Variants in SGCD observed in about 807,000 individuals in gnomAD.
The protein encoded by SGCD is sarcoglycan delta.
In SGCD, 18 loss-of-function variants were observed where a neutral mutation model predicts 36.6. The ratio of observed to expected loss-of-function variants is 0.49; its 90% CI spans 0.34 to 0.73. SGCD has a LOEUF of 0.73. Ranked by LOEUF, SGCD falls within the 30% of genes least tolerant of loss-of-function variation. The pLI, the probability that SGCD is intolerant of heterozygous loss-of-function variation, is 0.01. For missense variants in SGCD, 387 were observed against 346.7 expected (o/e 1.12, Z -0.92); for synonymous variants, 133 against 130.6 (o/e 1.02, Z -0.12).
chr5:156,081,379 A>G (rs1193415300), intron 1 of SGCD, among the ~76,000 whole-genome samples: 1 of 152,038 alleles, frequency 6.6e-6, no homozygotes, highest in East Asian at 1.9e-4. Context: ...TGGTGTAGAC[A>G]TATATTCAAA....
Position 156,765,967 on chromosome 5 carries a change from C to G in SGCD, c.*6577C>G, listed in dbSNP as rs1018777976. On this transcript the variant is annotated 3_prime_UTR_variant, in exon 9 of 9. Coordinates refer to ENST00000337851, the MANE Select transcript of SGCD (RefSeq NM_000337.6). ...CTAAGGGGAAAATATAGAAAGCCTGCCTGAATAATAGAATCTAGAACAACA... is the reference window on the plus strand; with the variant it reads ...CTAAGGGGAAAATATAGAAAGCCTGGCTGAATAATAGAATCTAGAACAACA... 6.6e-6 allele frequency: 1 copy of G among 150,982 alleles called. No homozygotes were observed. The highest frequency in any genetic ancestry group is 1.5e-5 in the Non-Finnish European group (1 of 67,928). The allele number at this position is 150,982 out of a possible 1,614,324, so 9.4% of individuals were successfully genotyped here.
At chr5:156,126,874 G>A (rs1184177346) in intron 3 of SGCD, among the ~76,000 whole-genome samples, 1 of 152,172 alleles carries the variant, frequency 6.6e-6, no homozygotes, top group Non-Finnish European at 1.5e-5. Context: ...TGTTAGGCAT[G>A]CAAATTCTTC....
At chr5:156,465,225 T>C (rs550325097) in intron 3 of SGCD, among the ~76,000 whole-genome samples, 4 of 152,234 alleles carry the variant, frequency 2.6e-5, no homozygotes, top group African/African-American at 9.6e-5. Flanking sequence ...GGTGTATTCT[T>C]AGATGGTGGT....
At chr5:156,023,912 T>C (rs1581047608) in intron 1 of SGCD, among the ~76,000 whole-genome samples, 2 of 152,222 alleles carry the variant, frequency 1.3e-5, no homozygotes, top group South Asian at 4.1e-4. Flanking sequence ...CTTTGACGCT[T>C]CTCAAGAGAG....
upstream of SGCD, among the ~76,000 whole-genome samples, chr5:155,867,146 C>G (rs941093945): frequency 6.6e-6 from 1 of 152,030 alleles, no homozygotes; most frequent in Non-Finnish European, 1.5e-5. Context: ...TTAAACAGAT[C>G]ACAAGATGAT....
At chr5:156,433,641 G>A (rs561588362) in intron 3 of SGCD, among the ~76,000 whole-genome samples, 10 of 152,192 alleles carry the variant, frequency 6.6e-5, no homozygotes, top group Middle Eastern at 3.4e-3. Context: ...AGCTAAAAGG[G>A]GCTTACATCA....
intron 2 of SGCD, among the ~76,000 whole-genome samples, chr5:156,118,125 A>G (rs1005384711): frequency 2.6e-5 from 4 of 152,112 alleles, no homozygotes; most frequent in African/African-American, 4.8e-5. Flanking sequence ...AGGAGAGTGT[A>G]GTGAAGTCAG....
chr5:156,520,115 C>A (rs1757338111), intron 4 of SGCD, among the ~76,000 whole-genome samples: 1 of 152,114 alleles, frequency 6.6e-6, no homozygotes, highest in Non-Finnish European at 1.5e-5. Flanking sequence ...ATCTAGAAAA[C>A]CCTGTCATCT....
intron 1 of SGCD, among the ~76,000 whole-genome samples, chr5:155,888,582 G>A (rs1192333478): frequency 6.6e-6 from 1 of 152,168 alleles, no homozygotes; most frequent in Admixed American, 6.5e-5. Context: ...TCGTAGAGAA[G>A]TATGATTGGT....
chr5:155,959,289 G>T (rs561328878), intron 1 of SGCD, among the ~76,000 whole-genome samples: 4 of 152,224 alleles, frequency 2.6e-5, no homozygotes, highest in African/African-American at 9.6e-5. Flanking sequence ...CAGGCCCTGA[G>T]CCAGGAGGCC....
intron 1 of SGCD, among the ~76,000 whole-genome samples, chr5:155,985,838 C>G (rs1487584751): frequency 1.3e-5 from 2 of 152,150 alleles, no homozygotes; most frequent in African/African-American, 4.8e-5. Flanking sequence ...GACAGTTGTG[C>G]CTTTGGAGCT....
chr5:156,178,864 C>G (rs1296755791), intron 3 of SGCD, among the ~76,000 whole-genome samples: 1 of 152,152 alleles, frequency 6.6e-6, no homozygotes, highest in Non-Finnish European at 1.5e-5. Flanking sequence ...CCGCGCCCAG[C>G]CTGAATGTAT....
chr5:155,913,635 T>C (rs1756678070), intron 1 of SGCD, among the ~76,000 whole-genome samples: 1 of 152,206 alleles, frequency 6.6e-6, no homozygotes, highest in Admixed American at 6.5e-5. Flanking sequence ...TTTTAGATTA[T>C]ATAATTACCT....
chr5:156,673,463 G>C (rs769739379), intron 7 of SGCD, among the ~76,000 whole-genome samples: 2 of 152,278 alleles, frequency 1.3e-5, no homozygotes, highest in African/African-American at 4.8e-5. Flanking sequence ...ACAGAGGAAG[G>C]CCAAGTCCTC....
chr5:156,756,774 G>T (rs1225891861), intron 7 of SGCD, among the ~76,000 whole-genome samples: 1 of 152,084 alleles, frequency 6.6e-6, no homozygotes, highest in East Asian at 1.9e-4. Flanking sequence ...AACCACCACT[G>T]CAATCAAGTT....
At chr5:156,608,381 T>C (rs1441593522) in intron 6 of SGCD, among the ~76,000 whole-genome samples, 1 of 152,254 alleles carries the variant, frequency 6.6e-6, no homozygotes, top group African/African-American at 2.4e-5. Flanking sequence ...TCCTGAGTTC[T>C]AGTTTGATTG....
Position 155,900,994 on chromosome 5 carries a change from C to G in SGCD, c.-282+30570C>G, listed in dbSNP as rs544381430. On this transcript the variant is annotated intron_variant, in intron 1 of 9. Coordinates refer to the SGCD transcript ENST00000517913. ...CAAATGCTGGAGTTTTGGCATGTGT[C>G]TCATATTTCAAAAGTTGATGTAAGA... Among the ~76,000 whole-genome samples the G allele has an allele frequency of 1.1e-4, 16 of 152,036 alleles. No homozygotes were observed. In the South Asian group the frequency reaches 3.3e-3, roughly 32 times the overall value.
the SGCD span, among the ~76,000 whole-genome samples, chr5:155,825,857 T>G: frequency 2.6e-5 from 4 of 152,122 alleles, no homozygotes; most frequent in Admixed American, 2.6e-4. Flanking sequence ...CAAGCAATTC[T>G]TGTGCCTCAG....
At chr5:156,497,738 A>G (rs551867390) in intron 3 of SGCD, among the ~76,000 whole-genome samples, 122 of 152,240 alleles carry the variant, frequency 8.0e-4, no homozygotes, top group Non-Finnish European at 1.3e-3. Flanking sequence ...AAAGGAAACT[A>G]TATATTAACA....
Sources: allele counts gnomAD v4.1 joint callset (sites outside exome capture counted in the v4.1 genomes callset), GRCh38; gene constraint gnomAD v4.1.1; transcripts MANE v1.5; gene names NCBI Gene and HGNC (gene_info 2026-07-23, HGNC 2026-07-21).